The following SNUPN variants were observed in gnomAD, a reference collection of about 807,000 sequenced individuals.
The protein encoded by SNUPN is snurportin 1.
SNUPN carries 31 observed loss-of-function variants against 39.2 expected under a neutral mutation model. The ratio of observed to expected loss-of-function variants is 0.79; its 90% confidence interval spans 0.59 to 1.07. The LOEUF (loss-of-function observed/expected upper bound fraction) is 1.07. Ranked by LOEUF, SNUPN falls within the 50% of genes least tolerant of loss-of-function variation. The pLI is 0.00. For synonymous variants in SNUPN, 132 were observed against 159.0 expected, an observed-to-expected ratio of 0.83 and a Z score of 1.28; for missense variants, 382 against 434.2, an observed-to-expected ratio of 0.88 and a Z score of 1.07.
intron 1 of SNUPN, among the ~76,000 whole-genome samples, chr15:75,622,176 A>C (rs1893091083): frequency 1.3e-5 from 2 of 152,362 alleles, no homozygotes; most frequent in African/African-American, 4.8e-5. Flanking sequence ...CAACCTGGAC[A>C]ATGTAGTGAG....
intron 8 of SNUPN, among the ~76,000 whole-genome samples, chr15:75,599,913 T>G (rs2075271938): frequency 6.6e-6 from 1 of 151,538 alleles, no homozygotes; most frequent in African/African-American, 2.4e-5. Context: ...TGGTGCGATC[T>G]CAGCTCAGTG....
At chr15:75,621,094 C>G (rs771099375) in intron 1 of SNUPN, 38 bp from the exon 2 acceptor site, 1 of 1,598,474 alleles carries the variant, frequency 6.3e-7, no homozygotes, top group South Asian at 1.1e-5. Flanking sequence ...TCATTCATTT[C>G]ATATCATCTC....
At chr15:75,610,230 T>C (rs1174543538) in intron 3 of SNUPN, among the ~76,000 whole-genome samples, 5 of 151,690 alleles carry the variant, frequency 3.3e-5, no homozygotes, top group African/African-American at 1.2e-4. Context: ...AAATCTCGTC[T>C]CTACTAAAAA....
intron 1 of SNUPN, chr15:75,624,779 G>GT (rs772102949): frequency 0.029 from 30,593 of 1,065,800 alleles, 1 homozygote; most frequent in South Asian, 0.043. Context: ...TGTTGTTGTT[G>GT]TTTTTTTTTT....
rs1188647732 is a variant in SNUPN, at chr15:75,598,303, G to A, written c.*55C>T. 1 of 1,439,064 alleles carries A rather than the reference G, an allele frequency of 6.9e-7. No individual in the cohort carries two copies. Among genetic ancestry groups the A allele is most frequent in the African/African-American group, 1.4e-5 (1 of 70,858 alleles). 89.1% of individuals were successfully genotyped at this position (1,439,064 alleles called of 1,614,324 possible). A position where few individuals can be genotyped will look rare whatever the true frequency, so the allele number is the denominator to read the frequency against. ...CCTGTTGTCACTGTCCTCCTCTCCAGGATTCCTTTTGGGGCCAGGTACCAT... is the reference window on the plus strand; with the variant it reads ...CCTGTTGTCACTGTCCTCCTCTCCAAGATTCCTTTTGGGGCCAGGTACCAT... On this transcript the variant is annotated 3_prime_UTR_variant, in exon 9 of 9. Transcript: ENST00000308588.
rs750476604 is a variant in SNUPN at position 75,617,561 on chromosome 15, A to G, written c.159-9T>C. ...CATAATCCAGCCGCTTGCTGGAAGGAAAAAAAAGGCATAAGGACATATCTT... is the reference window on the plus strand; with the variant it reads ...CATAATCCAGCCGCTTGCTGGAAGGGAAAAAAAGGCATAAGGACATATCTT... On this transcript the variant is annotated splice_polypyrimidine_tract_variant and intron_variant, in intron 2 of 8. Transcript: ENST00000308588. The G allele has an allele frequency of 5.0e-6, 8 of 1,594,078 alleles. No individual in the cohort carries two copies. The highest frequency in any genetic ancestry group is 2.3e-5 in the South Asian group (2 of 87,594).
At chr15:75,615,594 A>ATT (rs141302808) in intron 3 of SNUPN, among the ~76,000 whole-genome samples, 3,520 of 74,030 alleles carry the variant, frequency 0.048, 419 homozygotes, top group African/African-American at 0.098. Flanking sequence ...AAGGAATCTC[A>ATT]TTTTTTTTTT....
At chr15:75,619,646 T>C (rs1230118207) in intron 2 of SNUPN, among the ~76,000 whole-genome samples, 1 of 151,914 alleles carries the variant, frequency 6.6e-6, no homozygotes, top group Non-Finnish European at 1.5e-5. Flanking sequence ...AAAATATATA[T>C]ATATTTGGAA....
chr15:75,598,773 C>T (rs562481321), intron 8 of SNUPN, 92 bp from the exon 9 acceptor site: 66 of 948,386 alleles, frequency 7.0e-5, no homozygotes, highest in South Asian at 1.8e-4. Context: ...TCTTGTGGTC[C>T]GACTCCTTTT....
rs544286621 is a variant in SNUPN, at chr15:75,612,699, A to G, written c.304-2705T>C. 1.2e-4 allele frequency among the ~76,000 whole-genome samples: 18 copies of G among 152,214 alleles called. 1 individual carries two copies. The East Asian group carries it at 3.5e-3, about 29-fold the overall frequency. On this transcript the variant is annotated intron_variant, in intron 3 of 8. Coordinates refer to ENST00000308588, the MANE Select transcript of SNUPN (RefSeq NM_005701.4). Reference sequence around the variant, plus strand: ...TCTGCACCGAAAACTCAGTATATCCAGAGTGGAATTAACTGCCTTCTGTTG... The same window carrying G: ...TCTGCACCGAAAACTCAGTATATCCGGAGTGGAATTAACTGCCTTCTGTTG...
At chr15:75,612,771 C>T (rs1339614841) in intron 3 of SNUPN, among the ~76,000 whole-genome samples, 1 of 152,064 alleles carries the variant, frequency 6.6e-6, no homozygotes, top group Non-Finnish European at 1.5e-5. Context: ...CCTTCTGCGT[C>T]TCATAACCTT....
At chr15:75,601,258 A>G (rs1410770553) in intron 7 of SNUPN, 40 bp from the exon 8 acceptor site, 2 of 1,341,872 alleles carry the variant, frequency 1.5e-6, no homozygotes, top group Admixed American at 1.7e-5. Flanking sequence ...TACGTTATAA[A>G]TGATACTGGC....
At chr15:75,613,453 G>A (rs1048080735) in intron 3 of SNUPN, among the ~76,000 whole-genome samples, 1 of 150,868 alleles carries the variant, frequency 6.6e-6, no homozygotes, top group South Asian at 2.1e-4. Flanking sequence ...GACCAGCCTG[G>A]TCAATACGCT....
At chr15:75,622,753 C>T (rs1893103308) in intron 1 of SNUPN, among the ~76,000 whole-genome samples, 1 of 152,212 alleles carries the variant, frequency 6.6e-6, no homozygotes, top group African/African-American at 2.4e-5. Context: ...TAGGCCTCTA[C>T]TTGGCCAGTG....
intron 3 of SNUPN, among the ~76,000 whole-genome samples, chr15:75,611,875 C>A (rs1431438727): frequency 6.6e-6 from 1 of 151,916 alleles, no homozygotes; most frequent in Non-Finnish European, 1.5e-5. Context: ...TTTTGTCACT[C>A]AGCATTTCTG....
chr15:75,604,462 C>T (rs1419310790), intron 7 of SNUPN, among the ~76,000 whole-genome samples: 1 of 152,068 alleles, frequency 6.6e-6, no homozygotes, highest in East Asian at 1.9e-4. Flanking sequence ...GCGCCTGGCC[C>T]TTGGCTTTAA....
intron 5 of SNUPN, among the ~76,000 whole-genome samples, chr15:75,608,553 G>T (rs910197515): frequency 1.3e-5 from 2 of 152,318 alleles, no homozygotes; most frequent in South Asian, 4.1e-4. Context: ...GCCCAGTGGG[G>T]AGGAAGAACC....
chr15:75,625,009 C>G (rs1036480268), intron 1 of SNUPN: 1 of 180,302 alleles, frequency 5.5e-6, no homozygotes, highest in Non-Finnish European at 1.2e-5. Flanking sequence ...CTCCTGACCT[C>G]AGGTGATCCG....
intron 2 of SNUPN, 40 bp from the exon 3 acceptor site, chr15:75,617,592 C>CTTTT (rs749989241): frequency 7.5e-7 from 1 of 1,338,972 alleles, no homozygotes; most frequent in South Asian, 1.4e-5. Context: ...ATCTTTTCTT[C>CTTTT]TTTTTTTTTT....
Sources: allele counts gnomAD v4.1 joint callset (sites outside exome capture counted in the v4.1 genomes callset), GRCh38; gene constraint gnomAD v4.1.1; transcripts MANE v1.5; gene names NCBI Gene and HGNC (gene_info 2026-07-23, HGNC 2026-07-21).